The following POU6F1 variants were observed in gnomAD, a reference collection of about 807,000 sequenced individuals.
The protein encoded by POU6F1 is POU domain, class 6, transcription factor 1.
POU6F1 carries 9 observed loss-of-function variants against 28.9 expected under a neutral mutation model. The observed-to-expected ratio is 0.31, with a 90% CI of 0.19 to 0.54. POU6F1 has a LOEUF of 0.54. Ranked by LOEUF, POU6F1 falls within the 20% of genes least tolerant of loss-of-function variation. The pLI, the probability that POU6F1 is intolerant of heterozygous loss-of-function variation, is 0.94. For missense variants in POU6F1, 338 were observed against 426.1 expected (o/e 0.79, Z 1.82); for synonymous variants, 173 against 171.1 (o/e 1.01, Z -0.09).
rs548824319 is a variant in POU6F1, at chr12:51,198,280, C to G, written c.593-257G>C. Reference sequence around the variant, plus strand: ...TTGTAGTCCTTCCCAGGAGGCCGGTCATGGGGTGAGTTCTGGCGTGGGGGG... The same window carrying G: ...TTGTAGTCCTTCCCAGGAGGCCGGTGATGGGGTGAGTTCTGGCGTGGGGGG... On this transcript the variant is annotated intron_variant, in intron 5 of 10. Transcript: ENST00000333640. 62 of 396,148 alleles carry G rather than the reference C, an allele frequency of 1.6e-4. No individual in the cohort carries two copies. The Middle Eastern group carries it at 1.9e-3, about 12-fold the overall frequency. The allele number at this position is 396,148 out of a possible 1,614,324, so 24.5% of individuals were successfully genotyped here.
At chr12:51,213,072 G>C (rs1452736123) in intron 1 of POU6F1, among the ~76,000 whole-genome samples, 1 of 152,040 alleles carries the variant, frequency 6.6e-6, no homozygotes, top group Admixed American at 6.6e-5. Context: ...GAGTAGCTGG[G>C]ACTACAGGTG....
intron 1 of POU6F1, among the ~76,000 whole-genome samples, chr12:51,215,486 T>C (rs1592210645): frequency 7.8e-6 from 1 of 127,826 alleles, no homozygotes; most frequent in Non-Finnish European, 1.6e-5. Context: ...ACCCGGGAGG[T>C]GGAGGTTGCA....
intron 1 of POU6F1, among the ~76,000 whole-genome samples, chr12:51,212,714 A>G (rs954595690): frequency 5.8e-5 from 8 of 138,830 alleles, no homozygotes; most frequent in East Asian, 2.4e-4. Context: ...ACAGGGAGGC[A>G]GAGGTGAGCC....
intron 3 of POU6F1, among the ~76,000 whole-genome samples, chr12:51,203,832 G>A (rs138149884): frequency 3.3e-5 from 5 of 152,278 alleles, no homozygotes; most frequent in Non-Finnish European, 5.9e-5. Context: ...ACTGATGAGA[G>A]GGTGCCCCAA....
chr12:51,200,237 G>A (rs1228474907), intron 3 of POU6F1, among the ~76,000 whole-genome samples: 2 of 152,204 alleles, frequency 1.3e-5, no homozygotes, highest in Admixed American at 6.5e-5. Context: ...GAGGGCCGGA[G>A]CTAGAAATGA....
chr12:51,195,861 C>A, intron 8 of POU6F1, 109 bp downstream of exon 8: 4 of 1,258,698 alleles, frequency 3.2e-6, no homozygotes, highest in East Asian at 2.6e-5. Flanking sequence ...AAGCGCCCTG[C>A]ACTCCCAGGA....
chr12:51,213,842 AT>A (rs1165126624), intron 1 of POU6F1, among the ~76,000 whole-genome samples: 2 of 151,146 alleles, frequency 1.3e-5, no homozygotes, highest in Non-Finnish European at 1.5e-5. Flanking sequence ...TAATTTCGTT[AT>A]CTTTAAAATG....
intron 1 of POU6F1, 193 bp from the exon 2 acceptor site, chr12:51,207,076 T>A (rs970030475): frequency 3.6e-5 from 11 of 307,342 alleles, no homozygotes; most frequent in African/African-American, 2.2e-4. Context: ...CAGGCTGGAG[T>A]GCAGTGGCAC....
At chr12:51,192,876 G>C (rs1942526762) in intron 8 of POU6F1, among the ~76,000 whole-genome samples, 1 of 151,032 alleles carries the variant, frequency 6.6e-6, no homozygotes, top group African/African-American at 2.4e-5. Flanking sequence ...CTGCACTCCA[G>C]ACTGGGCGAC....
At chr12:51,212,443 T>C (rs2137229737) in intron 1 of POU6F1, among the ~76,000 whole-genome samples, 1 of 151,832 alleles carries the variant, frequency 6.6e-6, no homozygotes, top group African/African-American at 2.4e-5. Context: ...TGCTAGGCAC[T>C]GGGAATTCAA....
chr12:51,192,345 T>C lies in POU6F1; in HGVS notation c.1306A>G (p.Ser436Gly), dbSNP rs928474503. The stretch of plus-strand genomic sequence containing the variant: ...AGCCACTTACTGGACACCAACTGGC[T>C]GACGGTGGGGGTCTCTGAGCAGGTA... ...PITCSETPTVSQLVSKPHTPS... is the reference protein window; with the variant it reads ...PITCSETPTVGQLVSKPHTPS... Residue 436 changes from serine to glycine, a missense_variant, in exon 9 of 11, where the codon AGC becomes GGC. By Grantham distance (56) the Ser-to-Gly change is moderately conservative (BLOSUM62 0). Coordinates refer to ENST00000333640, the MANE Select transcript of POU6F1 (RefSeq NM_001330422.2). The C allele has an allele frequency of 2.5e-6, 4 of 1,614,000 alleles. No homozygotes were observed. The highest frequency in any genetic ancestry group is 1.3e-5 in the African/African-American group (1 of 74,914).
At position 51,189,189 on chromosome 12, in the gene POU6F1, T is replaced by G. The variant is rs1942236608; in HGVS notation, c.*1058A>C. Reference sequence around the variant, plus strand: ...ACTTCCACAAGAGACCTTCCTGGGCTCCATCATTTATTTCAGGATGTTGTC... The same window carrying G: ...ACTTCCACAAGAGACCTTCCTGGGCGCCATCATTTATTTCAGGATGTTGTC... On this transcript the variant is annotated 3_prime_UTR_variant, in exon 11 of 11. Coordinates refer to ENST00000333640, the MANE Select transcript of POU6F1 (RefSeq NM_001330422.2). 6.6e-6 allele frequency: 1 copy of G among 152,176 alleles called. No homozygotes were observed. Among genetic ancestry groups the G allele is most frequent in the African/African-American group, 2.4e-5 (1 of 41,446 alleles). 9.4% of individuals were successfully genotyped at this position (152,176 alleles called of 1,614,324 possible). A position where few individuals can be genotyped will look rare whatever the true frequency, so the allele number is the denominator to read the frequency against.
intron 8 of POU6F1, among the ~76,000 whole-genome samples, chr12:51,193,000 C>T (rs1942542884): frequency 6.6e-6 from 1 of 152,158 alleles, no homozygotes; most frequent in Admixed American, 6.5e-5. Context: ...ACCTGCCCTA[C>T]CAACCTGGAG....
intron 2 of POU6F1, among the ~76,000 whole-genome samples, chr12:51,205,022 C>G (rs1943480110): frequency 6.6e-6 from 1 of 151,002 alleles, no homozygotes; most frequent in Non-Finnish European, 1.5e-5. Context: ...TGGCACCGCT[C>G]CTGGACTGCA....
chr12:51,188,372 A>T lies in POU6F1; in HGVS notation c.*1875T>A, dbSNP rs559282979. 1 of 152,114 alleles carries T rather than the reference A, an allele frequency of 6.6e-6. No individual in the cohort carries two copies. Among genetic ancestry groups the T allele is most frequent in the African/African-American group, 2.4e-5 (1 of 41,488 alleles). The allele number at this position is 152,114 out of a possible 1,614,324, so 9.4% of individuals were successfully genotyped here. On this transcript the variant is annotated 3_prime_UTR_variant, in exon 11 of 11. Transcript: ENST00000333640. The stretch of plus-strand genomic sequence containing the variant: ...GATAACCCTGAACTAGAGTGTGGAG[A>T]CTCTCTGTTGGAGACACGCTCTCCT...
At chr12:51,213,455 C>G (rs572005191) in intron 1 of POU6F1, among the ~76,000 whole-genome samples, 1 of 151,830 alleles carries the variant, frequency 6.6e-6, no homozygotes, top group South Asian at 2.1e-4. Flanking sequence ...CTCAAATTAT[C>G]TTCCCACCTC....
chr12:51,215,321 G>A (rs529083231), intron 1 of POU6F1, among the ~76,000 whole-genome samples: 4 of 152,010 alleles, frequency 2.6e-5, no homozygotes, highest in African/African-American at 4.8e-5. Flanking sequence ...TTGGGAGGCC[G>A]AGGCGGGCGG....
At position 51,190,698 on chromosome 12, in the gene POU6F1, G is replaced by A. The variant is rs1942346182; in HGVS notation, c.1491-106C>T. ...CATCCTCAAGGGGCCGCTCCTCTAG[G>A]GGCTGGTGAGACTGTACCCAGTGCT... is the stretch of plus-strand genomic sequence containing the variant. On this transcript the variant is annotated intron_variant, in intron 10 of 10. Transcript: ENST00000333640. This position sits in a 1 kb window ranked among gnomAD's most constrained non-coding sequence, Gnocchi z 4.5. 4 of 1,494,078 alleles carry A rather than the reference G, an allele frequency of 2.7e-6. No homozygotes were observed. Among genetic ancestry groups the A allele is most frequent in the Non-Finnish European group, 3.6e-6 (4 of 1,122,520 alleles). The allele number at this position is 1,494,078 out of a possible 1,614,324, so 92.6% of individuals were successfully genotyped here. A position where few individuals can be genotyped will look rare whatever the true frequency, so the allele number is the denominator to read the frequency against.
At chr12:51,216,428 G>A (rs1482892284) in intron 1 of POU6F1, among the ~76,000 whole-genome samples, 1 of 152,130 alleles carries the variant, frequency 6.6e-6, no homozygotes, top group Non-Finnish European at 1.5e-5. Flanking sequence ...TAGTTTTAAT[G>A]TTTAGCATCT....
Sources: allele counts gnomAD v4.1 joint callset (sites outside exome capture counted in the v4.1 genomes callset), GRCh38; gene constraint gnomAD v4.1.1; non-coding constraint Gnocchi (gnomAD v3.1); transcripts MANE v1.5; gene names NCBI Gene and HGNC (gene_info 2026-07-23, HGNC 2026-07-21).